DNAH1: variants seen among roughly 807,000 people sequenced by gnomAD.
DNAH1 encodes the protein axonemal beta dynein heavy chain 1.
DNAH1 carries 327 observed loss-of-function variants against 484.3 expected under a neutral mutation model. The ratio of observed to expected loss-of-function variants is 0.68; its 90% CI spans 0.62 to 0.74. DNAH1 has a LOEUF of 0.74. Ranked by LOEUF, DNAH1 falls within the 30% of genes least tolerant of loss-of-function variation. DNAH1 has a pLI of 0.00. For synonymous variants in DNAH1, 2,192 were observed against 2,191.9 expected (o/e 1.00, Z 0.00); for missense variants, 5,052 against 5,546.8 (o/e 0.91, Z 2.83).
In DNAH1 at chr3:52,386,312, C is replaced by T. The variant is rs1296373088; in HGVS notation, c.8778C>T (p.Ser2926=). Residue 2926 remains serine (S), a synonymous_variant, in exon 55 of 78, where the codon AGC becomes AGT. Transcript: ENST00000420323. ...CAGCCCTGGATGCGGCTCTGGCCAG[C>T]CTGCGCAACCTCAACAAGAACGATG... ...ALPALDAALA[S]LRNLNKNDVT... is the part of the protein sequence containing the mutation. 1 of 1,593,986 alleles carries T rather than the reference C, an allele frequency of 6.3e-7. No individual in the cohort carries two copies. Among genetic ancestry groups the T allele is most frequent in the Non-Finnish European group, 8.5e-7 (1 of 1,170,814 alleles).
intron 8 of DNAH1, 126 bp downstream of exon 8, chr3:52,332,520 A>G (rs1701595883): frequency 2.1e-6 from 3 of 1,396,864 alleles, no homozygotes; most frequent in African/African-American, 2.9e-5. Flanking sequence ...TGTCCTGGCT[A>G]TTGCCCTCTG....
intron 73 of DNAH1, among the ~76,000 whole-genome samples, 182 bp downstream of exon 73, chr3:52,397,226 A>G (rs1046104547): frequency 2.6e-5 from 4 of 151,978 alleles, no homozygotes; most frequent in African/African-American, 9.7e-5. Context: ...GACCCTGCCC[A>G]CTGGGGCTTG....
At chr3:52,386,962 T>G (rs1704138558) in intron 56 of DNAH1, 109 bp downstream of exon 56, 1 of 1,184,870 alleles carries the variant, frequency 8.4e-7, no homozygotes, top group Non-Finnish European at 1.2e-6. Flanking sequence ...GCATGTGCAG[T>G]GGCCTCTGTC....
At chr3:52,328,132 T>C in intron 6 of DNAH1, 118 bp downstream of exon 6, 1 of 1,310,214 alleles carries the variant, frequency 7.6e-7, no homozygotes, top group African/African-American at 1.5e-5. Context: ...TTTCAAGACC[T>C]CTCAGCTGGT....
rs1451462720 is a variant in DNAH1 at position 52,361,586 on chromosome 3, G to A, written c.4875-75G>A. 6.2e-6 allele frequency: 9 copies of A among 1,461,002 alleles called. No homozygotes were observed. Among genetic ancestry groups the A allele is most frequent in the Non-Finnish European group, 6.5e-6 (7 of 1,071,580 alleles). 90.5% of individuals were successfully genotyped at this position (1,461,002 alleles called of 1,614,324 possible). ...GGGCTTCCTCCCAAGTGGAGTTGGA[G>A]GGGGCCCTCAGAGGGAGGTGCCCAG... On this transcript the variant is annotated intron_variant, in intron 29 of 77. Coordinates refer to ENST00000420323, the MANE Select transcript of DNAH1 (RefSeq NM_015512.5). This position sits in a 1 kb window ranked among gnomAD's most constrained non-coding sequence, Gnocchi z 5.6.
chr3:52,349,170 C>T (rs1298045666), intron 13 of DNAH1, 25 bp from the exon 14 acceptor site: 2 of 1,612,322 alleles, frequency 1.2e-6, no homozygotes, highest in Middle Eastern at 1.7e-4. Flanking sequence ...TCCTCTGCCC[C>T]CTCCCGTGTG....
At chr3:52,370,430 TTGATACTGTTCCTGTCTCAGCC>T in intron 39 of DNAH1, 25 bp from the exon 40 acceptor site, 1 of 1,612,318 alleles carries the variant, frequency 6.2e-7, no homozygotes, top group Non-Finnish European at 8.5e-7. Flanking sequence ...CTCAGGCCGC[TTGATACTGTTCCTGTCTCAGCC>T]TGATACTGTT....
chr3:52,383,574 C>A lies in DNAH1; in HGVS notation c.8130C>A (p.Ile2710=). ...ACACAGGGCGTGTGCGCAGCAACAT[C>A]CACATGGTGCTGTGCATGAGGTACA... ...AAYTGRVRSN[I]HMVLCMSPIG... The change falls in exon 51 of 78, where the codon ATC becomes ATA. Residue 2710 remains isoleucine, a synonymous_variant. Transcript: ENST00000420323. 1 of 1,596,182 alleles carries A rather than the reference C, an allele frequency of 6.3e-7. No homozygotes were observed. The highest frequency in any genetic ancestry group is 1.1e-5 in the South Asian group (1 of 88,630).
rs369720580 is a variant in DNAH1, at chr3:52,389,485, G to A, written c.9520G>A (p.Asp3174Asn). 30 of 1,608,438 alleles carry A rather than the reference G, an allele frequency of 1.9e-5. No homozygotes were observed. The African/African-American group carries it at 2.4e-4, about 13-fold the overall frequency. ...FTGQYRTVLY[D>N]SWVKQLRSHN... ...GGGCCAGTACCGCACGGTGCTCTACGACAGCTGGGTCAAGCAGCTCAGGAG... is the reference window on the plus strand; with the variant it reads ...GGGCCAGTACCGCACGGTGCTCTACAACAGCTGGGTCAAGCAGCTCAGGAG... Residue 3174 changes from aspartate to asparagine, a missense_variant, in exon 60 of 78, where the codon GAC becomes AAC. This residue lies in a region of DNAH1 where 2,929 missense variants were observed against 3,409.4 expected (regional missense o/e 0.86). Coordinates refer to ENST00000420323, the MANE Select transcript of DNAH1 (RefSeq NM_015512.5).
intron 16 of DNAH1, 115 bp from the exon 17 acceptor site, chr3:52,351,847 C>T: frequency 1.5e-6 from 2 of 1,300,196 alleles, no homozygotes; most frequent in Non-Finnish European, 2.1e-6. Flanking sequence ...TGGATTTCCC[C>T]TGAACCCCTT....
intron 1 of DNAH1, among the ~76,000 whole-genome samples, chr3:52,317,327 G>GC (rs1209727656): frequency 6.6e-6 from 1 of 152,170 alleles, no homozygotes; most frequent in African/African-American, 2.4e-5. Context: ...GGGCGCCCGA[G>GC]CCGAGGGGTG....
rs1704430495 is a variant in DNAH1 at position 52,392,466 on chromosome 3, G to A, written c.10055G>A (p.Gly3352Asp). Residue 3352 changes from glycine to aspartate, a missense_variant and splice_region_variant, in exon 64 of 78, where the codon GGC becomes GAC. Physicochemically the swap from Gly to Asp is moderately conservative, Grantham distance 94. Transcript: ENST00000420323. Reference protein sequence around the residue: ...TLINFTLSPSGLEDQLLGQVV... With the variant: ...TLINFTLSPSDLEDQLLGQVV... ...TTGGTGTCCCCTGCCCCCGGCAGTG[G>A]CCTAGAGGACCAGCTACTGGGCCAG... The A allele has an allele frequency of 6.2e-7, 1 of 1,613,404 alleles. No homozygotes were observed. The highest frequency in any genetic ancestry group is 8.5e-7 in the Non-Finnish European group (1 of 1,179,840).
chr3:52,354,176 GAAAA>G (rs1450280107), intron 20 of DNAH1, among the ~76,000 whole-genome samples: 2 of 151,816 alleles, frequency 1.3e-5, no homozygotes, highest in Non-Finnish European at 2.9e-5. Context: ...CAAAACAAAA[GAAAA>G]CAAACAAACA....
At chr3:52,372,109 C>A in intron 42 of DNAH1, 23 bp downstream of exon 42, 1 of 1,612,106 alleles carries the variant, frequency 6.2e-7, no homozygotes, top group Non-Finnish European at 8.5e-7. Flanking sequence ...CCAGGCCCTG[C>A]CTCCACTGTC....
intron 8 of DNAH1, among the ~76,000 whole-genome samples, chr3:52,337,621 T>G (rs796971471): frequency 5.4e-4 from 83 of 152,360 alleles, no homozygotes; most frequent in African/African-American, 1.9e-3. Flanking sequence ...TGTAATATAA[T>G]GCTATGTTTC....
chr3:52,373,572 G>A, intron 44 of DNAH1: 1 of 1,484,156 alleles, frequency 6.7e-7, no homozygotes, highest in South Asian at 1.1e-5. Context: ...TCAGCCCATA[G>A]TGAAGAAAGA....
intron 1 of DNAH1, among the ~76,000 whole-genome samples, chr3:52,319,712 G>T (rs1313810253): frequency 2.6e-5 from 4 of 152,214 alleles, no homozygotes; most frequent in Non-Finnish European, 4.4e-5. Flanking sequence ...GAGGCAGACT[G>T]GGTCTTTCTT....
Position 52,395,548 on chromosome 3 carries a change from G to A in DNAH1, c.11129G>A (p.Gly3710Asp), listed in dbSNP as rs748035211. 1.9e-6 allele frequency: 3 copies of A among 1,613,482 alleles called. No homozygotes were observed. The highest frequency in any genetic ancestry group is 1.7e-6 in the Non-Finnish European group (2 of 1,179,860). The stretch of plus-strand genomic sequence containing the variant: ...TGCTCAGTGCTCTTGCCCCTGCAGG[G>A]CCCTCGGGCAGAAGCCATGATGCGC... ...LSAISLGQGQ[G>D]PRAEAMMRSS... Residue 3710 changes from glycine to aspartate, a missense_variant and splice_region_variant, in exon 70 of 78, where the codon GGC becomes GAC. Gly to Asp is a moderately conservative substitution (Grantham distance 94). Transcript: ENST00000420323. This position sits in a 1 kb window ranked among gnomAD's most constrained non-coding sequence, Gnocchi z 4.4.
chr3:52,322,988 C>T (rs991462015), intron 2 of DNAH1, among the ~76,000 whole-genome samples: 2 of 152,194 alleles, frequency 1.3e-5, no homozygotes, highest in Non-Finnish European at 2.9e-5. Flanking sequence ...TCCATTCATT[C>T]GACAACTCAT....
Sources: gnomAD v4.1 joint callset for allele counts (sites outside exome capture counted in the v4.1 genomes callset) on GRCh38, gnomAD v4.1.1 for gene constraint, gnomAD v4.1.1 regional missense constraint, Gnocchi (gnomAD v3.1) non-coding constraint, MANE v1.5 for transcripts, NCBI Gene and HGNC (gene_info 2026-07-23, HGNC 2026-07-21) for gene names.